The following ARRDC4 variants were observed in gnomAD, a reference collection of about 807,000 sequenced individuals.
ARRDC4 encodes arrestin domain containing 4.
In ARRDC4, 40 loss-of-function variants were observed where a neutral mutation model predicts 44.6. The observed-to-expected ratio is 0.90, with a 90% CI of 0.70 to 1.17. ARRDC4 has a LOEUF of 1.17. Among genes scored for constraint, ARRDC4 ranks in the 50% most tolerant of loss-of-function variants. The pLI, the probability that ARRDC4 is intolerant of heterozygous loss-of-function variation, is 0.00. For missense variants in ARRDC4, 550 were observed against 559.1 expected (o/e 0.98, Z 0.16); for synonymous variants, 211 against 221.2 (o/e 0.95, Z 0.41).
chr15:97,964,452 A>G (rs994443055), intron 1 of ARRDC4, among the ~76,000 whole-genome samples: 7 of 152,214 alleles, frequency 4.6e-5, no homozygotes, highest in Non-Finnish European at 8.8e-5. Flanking sequence ...AGGACAGTGT[A>G]TAAGTCTCTC....
chr15:97,970,765 T>C lies in ARRDC4; in HGVS notation c.1200+22T>C, dbSNP rs193084708. 7.4e-5 allele frequency: 119 copies of C among 1,600,090 alleles called. No individual in the cohort carries two copies. The Middle Eastern group carries it at 1.3e-3, about 18-fold the overall frequency. ...AGAGGTAAGCAAAGCAAAAGAAAATTAGACTTTTACTGTATTATTTTCAAA... is the reference window on the plus strand; with the variant it reads ...AGAGGTAAGCAAAGCAAAAGAAAATCAGACTTTTACTGTATTATTTTCAAA... On this transcript the variant is annotated intron_variant, in intron 7 of 7. Transcript: ENST00000268042. This position sits in a 1 kb window ranked among gnomAD's most constrained non-coding sequence, Gnocchi z 4.2.
chr15:97,968,212 C>A lies in ARRDC4; in HGVS notation c.625+96C>A. The A allele has an allele frequency of 1.6e-6, 1 of 640,026 alleles. No homozygotes were observed. The highest frequency in any genetic ancestry group is 2.4e-6 in the Non-Finnish European group (1 of 408,290). 39.6% of individuals were successfully genotyped at this position (640,026 alleles called of 1,614,324 possible). A position where few individuals can be genotyped will look rare whatever the true frequency, so the allele number is the denominator to read the frequency against. ...AATAGTGTTTTTTGTAATTATATGACGTGTATAGTATTTTAAAACATGAAT... is the reference window on the plus strand; with the variant it reads ...AATAGTGTTTTTTGTAATTATATGAAGTGTATAGTATTTTAAAACATGAAT... On this transcript the variant is annotated intron_variant, in intron 4 of 7. Transcript: ENST00000268042. This position sits in a 1 kb window ranked among gnomAD's most constrained non-coding sequence, Gnocchi z 5.4.
rs1899514247 is a variant in ARRDC4, at chr15:97,971,475, G to T, written c.*288G>T. The T allele has an allele frequency of 1.0e-5, 4 of 393,956 alleles. No homozygotes were observed. Among genetic ancestry groups the T allele is most frequent in the African/African-American group, 2.0e-5 (1 of 48,792 alleles). The allele number at this position is 393,956 out of a possible 1,614,324, so 24.4% of individuals were successfully genotyped here. On this transcript the variant is annotated 3_prime_UTR_variant, in exon 8 of 8. Transcript: ENST00000268042. The stretch of plus-strand genomic sequence containing the variant: ...ATGGTTACAGAGTAAGTGAAAGGGT[G>T]CCTGCGCTGACGTGAGAGAAAGGAA...
At position 97,972,373 on chromosome 15, in the gene ARRDC4, G is replaced by T. The variant is rs1899531091; in HGVS notation, c.*1186G>T. On this transcript the variant is annotated 3_prime_UTR_variant, in exon 8 of 8. Coordinates refer to ENST00000268042, the MANE Select transcript of ARRDC4 (RefSeq NM_183376.3). This position sits in a 1 kb window ranked among gnomAD's most constrained non-coding sequence, Gnocchi z 5.3. ...AGTCACTGCATTGTACATTATTCCAGTTCTTCAGTAATTCTGTTTAAACTG... is the reference window on the plus strand; with the variant it reads ...AGTCACTGCATTGTACATTATTCCATTTCTTCAGTAATTCTGTTTAAACTG... 6.6e-6 allele frequency: 1 copy of T among 152,564 alleles called. No individual in the cohort carries two copies. Among genetic ancestry groups the T allele is most frequent in the Non-Finnish European group, 1.5e-5 (1 of 68,020 alleles). 9.5% of individuals were successfully genotyped at this position (152,564 alleles called of 1,614,324 possible).
At position 97,966,117 on chromosome 15, in the gene ARRDC4, C is replaced by G; in HGVS notation, c.522+75C>G. 1.3e-6 allele frequency: 2 copies of G among 1,509,700 alleles called. No individual in the cohort carries two copies. Among genetic ancestry groups the G allele is most frequent in the Admixed American group, 3.8e-5 (2 of 52,390 alleles). The allele number at this position is 1,509,700 out of a possible 1,614,324, so 93.5% of individuals were successfully genotyped here. A position where few individuals can be genotyped will look rare whatever the true frequency, so the allele number is the denominator to read the frequency against. ...TCCTCCTTCCTTTCAACAGTGGGATCTATATTTAGCCAGTTTACTGGTAGT... is the reference window on the plus strand; with the variant it reads ...TCCTCCTTCCTTTCAACAGTGGGATGTATATTTAGCCAGTTTACTGGTAGT... On this transcript the variant is annotated intron_variant, in intron 3 of 7. Coordinates refer to ENST00000268042, the MANE Select transcript of ARRDC4 (RefSeq NM_183376.3). This position sits in a 1 kb window ranked among gnomAD's most constrained non-coding sequence, Gnocchi z 4.7.
intron 5 of ARRDC4, 23 bp from the exon 6 acceptor site, chr15:97,969,860 T>A (rs768142459): frequency 1.2e-5 from 17 of 1,361,800 alleles, no homozygotes; most frequent in Middle Eastern, 2.6e-4. Flanking sequence ...CTTTCTCTTT[T>A]TTTTTTTTTT....
chr15:97,968,051 G>A lies in ARRDC4; in HGVS notation c.560G>A (p.Cys187Tyr), dbSNP rs761380895. The A allele has an allele frequency of 6.3e-7, 1 of 1,598,796 alleles. No individual in the cohort carries two copies. Among genetic ancestry groups the A allele is most frequent in the South Asian group, 1.1e-5 (1 of 89,192 alleles). ...VLKTQEKMVG[C>Y]WFFTSGPVSL... ...AAAACTCAAGAGAAAATGGTTGGCT[G>A]TTGGTTTTTCACTTCTGGTCCAGTC... Residue 187 changes from cysteine (C) to tyrosine (Y), a missense_variant, in exon 4 of 8, where the codon TGT (cysteine) becomes TAT (tyrosine). By Grantham distance (194) the Cys-to-Tyr change is radical. Transcript: ENST00000268042. This position sits in a 1 kb window ranked among gnomAD's most constrained non-coding sequence, Gnocchi z 5.4.
rs555555485 is a variant in ARRDC4, at chr15:97,971,814, A to T, written c.*627A>T. 1 of 152,472 alleles carries T rather than the reference A, an allele frequency of 6.6e-6. No homozygotes were observed. The highest frequency in any genetic ancestry group is 2.1e-4 in the South Asian group (1 of 4,842). 9.4% of individuals were successfully genotyped at this position (152,472 alleles called of 1,614,324 possible). A position where few individuals can be genotyped will look rare whatever the true frequency, so the allele number is the denominator to read the frequency against. On this transcript the variant is annotated 3_prime_UTR_variant, in exon 8 of 8. Transcript: ENST00000268042. ...ACTAAAATATAGTTTATAAATCGGC[A>T]GTACGGTATTATGAAACCAAGAAAG...
intron 5 of ARRDC4, 118 bp downstream of exon 5, chr15:97,969,497 A>G (rs748864068): frequency 5.3e-6 from 6 of 1,135,862 alleles, no homozygotes; most frequent in Admixed American, 2.3e-5. Context: ...ATTAACACCA[A>G]TTGGGGACTG....
chr15:97,965,613 T>A lies in ARRDC4; in HGVS notation c.321T>A (p.Ile107=), dbSNP rs1384040721. 1.9e-6 allele frequency: 3 copies of A among 1,612,026 alleles called. No homozygotes were observed. Among genetic ancestry groups the A allele is most frequent in the Non-Finnish European group, 2.5e-6 (3 of 1,178,148 alleles). Residue 107 remains isoleucine (I), a synonymous_variant, in exon 2 of 8, where the codon ATT becomes ATA. Coordinates refer to ENST00000268042, the MANE Select transcript of ARRDC4 (RefSeq NM_183376.3). The surrounding 1 kb of genome is among the most constrained non-coding windows in gnomAD (Gnocchi z 5.1). Reference sequence around the variant, plus strand: ...AATCTCTTATAGGTGAAGGCATCATTTTATTACAGCCTGGAAAACATGAAT... The same window carrying A: ...AATCTCTTATAGGTGAAGGCATCATATTATTACAGCCTGGAAAACATGAAT... The part of the protein sequence containing the change: ...LREPPAGEGI[I]LLQPGKHEFP...
rs1471389214 is a variant in ARRDC4, at chr15:97,970,607, A to C, written c.1064A>C (p.Asp355Ala). 2 of 1,612,406 alleles carry C rather than the reference A, an allele frequency of 1.2e-6. No individual in the cohort carries two copies. Among genetic ancestry groups the C allele is most frequent in the Non-Finnish European group, 1.7e-6 (2 of 1,179,240 alleles). ...EQPEAPPNYA[D>A]VVSEEEFSRH... is the part of the protein sequence containing the mutation. ...ATTTCAGCACCACCAAATTATGCAGATGTGGTATCAGAGGAAGAATTCTCT... is the reference window on the plus strand; with the variant it reads ...ATTTCAGCACCACCAAATTATGCAGCTGTGGTATCAGAGGAAGAATTCTCT... Residue 355 changes from aspartate (D) to alanine (A), a missense_variant, in exon 7 of 8, where the codon GAT (aspartate) becomes GCT (alanine). By Grantham distance (126) the Asp-to-Ala change is moderately radical. Coordinates refer to ENST00000268042, the MANE Select transcript of ARRDC4 (RefSeq NM_183376.3). The surrounding 1 kb of genome is among the most constrained non-coding windows in gnomAD (Gnocchi z 4.2).
At position 97,965,860 on chromosome 15, in the gene ARRDC4, G is replaced by A. The variant is rs746718183; in HGVS notation, c.375-35G>A. ...TTTTTTGGCTTTGTTTAACTGAAAAGTAAACTCATAATTAATGTCTTTGGT... is the reference window on the plus strand; with the variant it reads ...TTTTTTGGCTTTGTTTAACTGAAAAATAAACTCATAATTAATGTCTTTGGT... On this transcript the variant is annotated intron_variant, in intron 2 of 7. Transcript: ENST00000268042. This position sits in a 1 kb window ranked among gnomAD's most constrained non-coding sequence, Gnocchi z 5.1. 3 of 1,599,106 alleles carry A rather than the reference G, an allele frequency of 1.9e-6. No individual in the cohort carries two copies. The highest frequency in any genetic ancestry group is 3.5e-5 in the Admixed American group (2 of 57,190).
chr15:97,965,790 C>T lies in ARRDC4; in HGVS notation c.375-105C>T. The T allele has an allele frequency of 6.6e-7, 1 of 1,513,956 alleles. No individual in the cohort carries two copies. Among genetic ancestry groups the T allele is most frequent in the Non-Finnish European group, 9.1e-7 (1 of 1,100,246 alleles). 93.8% of individuals were successfully genotyped at this position (1,513,956 alleles called of 1,614,324 possible). A position where few individuals can be genotyped will look rare whatever the true frequency, so the allele number is the denominator to read the frequency against. On this transcript the variant is annotated intron_variant, in intron 2 of 7. Coordinates refer to ENST00000268042, the MANE Select transcript of ARRDC4 (RefSeq NM_183376.3). The surrounding 1 kb of genome is among the most constrained non-coding windows in gnomAD (Gnocchi z 5.1). Reference sequence around the variant, plus strand: ...TTACACTGAATAGTCCCTAAATAGACTTACTCTTTTTTTATTTCCAACCTA... The same window carrying T: ...TTACACTGAATAGTCCCTAAATAGATTTACTCTTTTTTTATTTCCAACCTA...
rs1286980825 is a variant in ARRDC4, at chr15:97,966,882, A to G, written c.522+840A>G. On this transcript the variant is annotated intron_variant, in intron 3 of 7. Coordinates refer to ENST00000268042, the MANE Select transcript of ARRDC4 (RefSeq NM_183376.3). This position sits in a 1 kb window ranked among gnomAD's most constrained non-coding sequence, Gnocchi z 4.7. Reference sequence around the variant, plus strand: ...CACGATACTGATGTGACAAAGATGTATTTTTCATGTTGGAGGTTTTTCTAG... The same window carrying G: ...CACGATACTGATGTGACAAAGATGTGTTTTTCATGTTGGAGGTTTTTCTAG... Among the ~76,000 whole-genome samples, 1 of 152,212 alleles carries G rather than the reference A, an allele frequency of 6.6e-6. No homozygotes were observed. Among genetic ancestry groups the G allele is most frequent in the African/African-American group, 2.4e-5 (1 of 41,456 alleles).
At position 97,966,323 on chromosome 15, in the gene ARRDC4, A is replaced by G. The variant is rs1899419297; in HGVS notation, c.522+281A>G. Among the ~76,000 whole-genome samples the G allele has an allele frequency of 6.6e-6, 1 of 152,194 alleles. No individual in the cohort carries two copies. The highest frequency in any genetic ancestry group is 1.5e-5 in the Non-Finnish European group (1 of 68,026). On this transcript the variant is annotated intron_variant, in intron 3 of 7. Coordinates refer to ENST00000268042, the MANE Select transcript of ARRDC4 (RefSeq NM_183376.3). The surrounding 1 kb of genome is among the most constrained non-coding windows in gnomAD (Gnocchi z 4.7). ...TTACACAGGCTTGAAATGCATTAAT[A>G]AGGCTTAATAACAATAATGCACACA...
chr15:97,964,646 CT>C (rs749413255), intron 1 of ARRDC4, among the ~76,000 whole-genome samples: 2 of 152,092 alleles, frequency 1.3e-5, no homozygotes, highest in Non-Finnish European at 2.9e-5. Flanking sequence ...TAAAATGGAG[CT>C]GGTAACCCAA....
Position 97,973,778 on chromosome 15 carries a change from T to C in ARRDC4, c.*2591T>C, listed in dbSNP as rs1319210584. 1 of 152,480 alleles carries C rather than the reference T, an allele frequency of 6.6e-6. No individual in the cohort carries two copies. Among genetic ancestry groups the C allele is most frequent in the Non-Finnish European group, 1.5e-5 (1 of 67,982 alleles). The allele number at this position is 152,480 out of a possible 1,614,324, so 9.4% of individuals were successfully genotyped here. On this transcript the variant is annotated 3_prime_UTR_variant, in exon 8 of 8. Coordinates refer to ENST00000268042, the MANE Select transcript of ARRDC4 (RefSeq NM_183376.3). ...TTAACCCACAGGAAAAAAAATTACT[T>C]TGTATGCTTGTTTGAACCCTATGGG...
Position 97,965,735 on chromosome 15 carries a change from A to C in ARRDC4, c.374+69A>C. 6.6e-7 allele frequency: 1 copy of C among 1,505,538 alleles called. No individual in the cohort carries two copies. The highest frequency in any genetic ancestry group is 9.2e-7 in the Non-Finnish European group (1 of 1,081,844). 93.3% of individuals were successfully genotyped at this position (1,505,538 alleles called of 1,614,324 possible). ...ATGTCCATTCAAGTTTATCACTGCT[A>C]GGTCTCTTCTGATTCTCAAGTATGC... On this transcript the variant is annotated intron_variant, in intron 2 of 7. Transcript: ENST00000268042. The surrounding 1 kb of genome is among the most constrained non-coding windows in gnomAD (Gnocchi z 5.1).
chr15:97,966,164 G>A lies in ARRDC4; in HGVS notation c.522+122G>A, dbSNP rs1596305184. The A allele has an allele frequency of 3.4e-6, 4 of 1,162,318 alleles. No individual in the cohort carries two copies. The highest frequency in any genetic ancestry group is 2.0e-4 in the Middle Eastern group (1 of 5,030). The allele number at this position is 1,162,318 out of a possible 1,614,324, so 72.0% of individuals were successfully genotyped here. On this transcript the variant is annotated intron_variant, in intron 3 of 7. Coordinates refer to ENST00000268042, the MANE Select transcript of ARRDC4 (RefSeq NM_183376.3). This position sits in a 1 kb window ranked among gnomAD's most constrained non-coding sequence, Gnocchi z 4.7. Reference sequence around the variant, plus strand: ...TAGTCTGTCCTGTCACTTTCTGATGGCTTGGAAAACACAATCTTGTAACCC... The same window carrying A: ...TAGTCTGTCCTGTCACTTTCTGATGACTTGGAAAACACAATCTTGTAACCC...
Sources: gnomAD v4.1 joint callset for allele counts (sites outside exome capture counted in the v4.1 genomes callset) on GRCh38, gnomAD v4.1.1 for gene constraint, Gnocchi (gnomAD v3.1) non-coding constraint, MANE v1.5 for transcripts, NCBI Gene and HGNC (gene_info 2026-07-23, HGNC 2026-07-21) for gene names.